BMPR1B: variants seen among roughly 807,000 people sequenced by gnomAD.
The protein encoded by BMPR1B is bone morphogenetic protein receptor type-1B.
In BMPR1B, 12 loss-of-function variants were observed where a neutral mutation model predicts 59.1. The observed-to-expected ratio is 0.20, with a 90% CI of 0.13 to 0.33. The LOEUF (loss-of-function observed/expected upper bound fraction) is 0.33, where lower values mean the gene tolerates loss of function less well. Ranked by LOEUF, BMPR1B falls within the 10% of genes least tolerant of loss-of-function variation. The probability of loss-of-function intolerance (pLI) is 1.00; values close to 1 mark genes in which losing one functional copy is unlikely to be tolerated. For missense variants in BMPR1B, 550 were observed against 610.9 expected, an observed-to-expected ratio of 0.90 and a Z score of 1.05; for synonymous variants, 237 against 207.3, an observed-to-expected ratio of 1.14 and a Z score of -1.23.
At chr4:94,946,187 C>G (rs3796413) in intron 2 of BMPR1B, among the ~76,000 whole-genome samples, 2 of 152,044 alleles carry the variant, frequency 1.3e-5, no homozygotes, top group African/African-American at 4.8e-5. Context: ...TTATCTCTTA[C>G]GAATCTTTTG....
At chr4:95,037,380 G>A (rs368829682) in intron 3 of BMPR1B, among the ~76,000 whole-genome samples, 12 of 152,236 alleles carry the variant, frequency 7.9e-5, no homozygotes, top group South Asian at 6.2e-4. Flanking sequence ...GATGTAAACC[G>A]AAGCCCTGAT....
intron 10 of BMPR1B, among the ~76,000 whole-genome samples, chr4:95,139,711 G>C (rs1028220390): frequency 1.3e-5 from 2 of 151,474 alleles, no homozygotes; most frequent in Non-Finnish European, 2.9e-5. Context: ...GACCCTCCGA[G>C]CCGGGCGTGG....
At chr4:95,004,937 T>C (rs1276798063) in intron 3 of BMPR1B, among the ~76,000 whole-genome samples, 1 of 152,240 alleles carries the variant, frequency 6.6e-6, no homozygotes, top group African/African-American at 2.4e-5. Context: ...TTCTGAGTTA[T>C]TCATTAATAC....
intron 3 of BMPR1B, chr4:95,051,719 T>C (rs1288747524): frequency 2.6e-6 from 4 of 1,535,526 alleles, no homozygotes; most frequent in Non-Finnish European, 3.5e-6. Context: ...CTGGAAGAAC[T>C]AAACTGGCAG....
chr4:94,786,506 A>G (rs945047178), intron 1 of BMPR1B, among the ~76,000 whole-genome samples: 32 of 152,040 alleles, frequency 2.1e-4, no homozygotes, highest in African/African-American at 7.5e-4. Context: ...GATTATGGGC[A>G]TGTGCCACCA....
At chr4:95,069,296 A>G (rs1413554834) in intron 3 of BMPR1B, among the ~76,000 whole-genome samples, 3 of 152,170 alleles carry the variant, frequency 2.0e-5, no homozygotes, top group African/African-American at 7.2e-5. Context: ...TAGCATAGCA[A>G]TCAGAGTAGA....
chr4:94,945,729 C>A (rs1002419872), intron 2 of BMPR1B, among the ~76,000 whole-genome samples: 1 of 152,226 alleles, frequency 6.6e-6, no homozygotes, highest in Non-Finnish European at 1.5e-5. Flanking sequence ...GCCACCACAC[C>A]TCACTGAGTT....
At chr4:94,759,437 G>GA (rs1171656536) in intron 1 of BMPR1B, among the ~76,000 whole-genome samples, 28 of 152,290 alleles carry the variant, frequency 1.8e-4, no homozygotes, top group African/African-American at 6.7e-4. Context: ...CAAATAATTT[G>GA]AAAAAGCACT....
In BMPR1B at chr4:94,858,863, C is replaced by T. The variant is rs143905197; in HGVS notation, c.-182-16968C>T. Among the ~76,000 whole-genome samples, 226 of 152,262 alleles carry T rather than the reference C, an allele frequency of 1.5e-3. 1 individual carries two copies. The highest frequency in any genetic ancestry group is 5.2e-3 in the African/African-American group (217 of 41,552). ...ATCCTATCTCCTCAGTCTTTCACCA[C>T]CCCTTCCAAATCCACTTAAATTCTT... On this transcript the variant is annotated intron_variant, in intron 1 of 12. Coordinates refer to ENST00000515059, the MANE Select transcript of BMPR1B (RefSeq NM_001203.3).
intron 3 of BMPR1B, among the ~76,000 whole-genome samples, chr4:95,071,383 T>A (rs1230944752): frequency 2.0e-5 from 3 of 151,984 alleles, no homozygotes; most frequent in Non-Finnish European, 4.4e-5. Flanking sequence ...AAAACAAAAA[T>A]CACTCTGTCT....
intron 1 of BMPR1B, among the ~76,000 whole-genome samples, chr4:94,832,441 T>G (rs1724636278): frequency 6.6e-6 from 1 of 152,176 alleles, no homozygotes. Context: ...ATTTGTACCA[T>G]GGGGCAGCTG....
intron 3 of BMPR1B, among the ~76,000 whole-genome samples, chr4:95,098,877 CG>C (rs1560651942): frequency 6.6e-6 from 1 of 151,964 alleles, no homozygotes; most frequent in African/African-American, 2.4e-5. Context: ...CTACCATGCC[CG>C]ACTAATTTTT....
chr4:94,859,872 A>C (rs2148955324), intron 1 of BMPR1B, among the ~76,000 whole-genome samples: 2 of 152,106 alleles, frequency 1.3e-5, no homozygotes, highest in South Asian at 4.2e-4. Context: ...AAATTTCAAA[A>C]GTAAAATATT....
intron 3 of BMPR1B, among the ~76,000 whole-genome samples, chr4:95,030,823 G>C (rs1724787845): frequency 6.6e-6 from 1 of 152,094 alleles, no homozygotes; most frequent in Admixed American, 6.6e-5. Context: ...GGGACGTGAA[G>C]GACCTCTTCA....
At position 95,059,649 on chromosome 4, in the gene BMPR1B, TC is replaced by T. The variant is rs553592578; in HGVS notation, c.-17-44758del. ...TTATGGTAAAAAAAACAATTTTCTA[TC>T]TTTTTTTGTTAAATAAACTTAATGA... On this transcript the variant is annotated intron_variant, in intron 3 of 12. Coordinates refer to ENST00000515059, the MANE Select transcript of BMPR1B (RefSeq NM_001203.3). 1.2e-3 allele frequency among the ~76,000 whole-genome samples: 179 copies of T among 151,940 alleles called. 1 individual carries two copies. Among genetic ancestry groups the T allele is most frequent in the Middle Eastern group, 0.01 (3 of 294 alleles).
chr4:95,006,523 A>C (rs577659014), intron 3 of BMPR1B, among the ~76,000 whole-genome samples: 2 of 151,304 alleles, frequency 1.3e-5, no homozygotes, highest in Non-Finnish European at 2.9e-5. Context: ...AAGGGAGATA[A>C]GAAATCAAAT....
intron 2 of BMPR1B, among the ~76,000 whole-genome samples, chr4:94,920,897 G>T (rs1728663409): frequency 1.3e-5 from 2 of 152,092 alleles, no homozygotes; most frequent in South Asian, 4.2e-4. Context: ...TTCTTTCAAG[G>T]AGACCAAACT....
chr4:95,025,202 G>A (rs930724639), intron 3 of BMPR1B, among the ~76,000 whole-genome samples: 21 of 152,098 alleles, frequency 1.4e-4, no homozygotes, highest in African/African-American at 3.4e-4. Flanking sequence ...GATTATTTTC[G>A]CAAAGGGGAA....
chr4:95,013,639 T>C (rs1243351887), intron 3 of BMPR1B, among the ~76,000 whole-genome samples: 2 of 152,172 alleles, frequency 1.3e-5, no homozygotes, highest in African/African-American at 4.8e-5. Context: ...GCACTACTGA[T>C]ACATGGAATA....
Sources: allele counts gnomAD v4.1 joint callset (sites outside exome capture counted in the v4.1 genomes callset), GRCh38; gene constraint gnomAD v4.1.1; transcripts MANE v1.5; gene names NCBI Gene and HGNC (gene_info 2026-07-23, HGNC 2026-07-21).